Variants in RHOA observed in about 807,000 individuals in gnomAD.
The protein encoded by RHOA is transforming protein RhoA.
RHOA carries 3 observed loss-of-function variants against 17.5 expected under a neutral mutation model. The observed-to-expected ratio is 0.17, with a 90% CI of 0.08 to 0.44. The LOEUF is 0.44. Ranked by LOEUF, RHOA falls within the 20% of genes least tolerant of loss-of-function variation. RHOA has a pLI of 0.99. For synonymous variants in RHOA, 98 were observed against 88.4 expected (o/e 1.11, Z -0.61); for missense variants, 56 against 242.3 (o/e 0.23, Z 5.10).
chr3:49,363,540 AG>A, intron 3 of RHOA, among the ~76,000 whole-genome samples: 1 of 152,002 alleles, frequency 6.6e-6, no homozygotes, highest in East Asian at 2.0e-4. Flanking sequence ...GCTCAAGAAC[AG>A]CCTATGCAAC....
chr3:49,411,037 T>C (rs896033350), intron 1 of RHOA, among the ~76,000 whole-genome samples: 3 of 152,244 alleles, frequency 2.0e-5, no homozygotes, highest in Non-Finnish European at 4.4e-5. Context: ...AATCAGTAAC[T>C]AAGGTACAGA....
At chr3:49,360,901 C>A in intron 4 of RHOA, 1 of 343,920 alleles carries the variant, frequency 2.9e-6, no homozygotes, top group Non-Finnish European at 5.8e-6. Context: ...TGGTGAAACC[C>A]CTCTTTACTA....
chr3:49,376,698 G>C (rs2048233855), intron 1 of RHOA, among the ~76,000 whole-genome samples: 1 of 147,708 alleles, frequency 6.8e-6, no homozygotes, highest in Non-Finnish European at 1.5e-5. Context: ...TAAAAACAAT[G>C]AAAGGACTGA....
intron 1 of RHOA, among the ~76,000 whole-genome samples, chr3:49,388,209 C>T (rs1433648795): frequency 6.6e-6 from 1 of 151,562 alleles, no homozygotes; most frequent in Non-Finnish European, 1.5e-5. Flanking sequence ...TGTGTGGAGA[C>T]GGGGTTTTGC....
intron 3 of RHOA, among the ~76,000 whole-genome samples, chr3:49,364,755 G>A (rs2048027689): frequency 6.6e-6 from 1 of 151,986 alleles, no homozygotes; most frequent in African/African-American, 2.4e-5. Flanking sequence ...GCCGAGGCAG[G>A]TGGATCAGGA....
intron 1 of RHOA, among the ~76,000 whole-genome samples, chr3:49,376,299 C>G (rs1334859921): frequency 6.6e-6 from 1 of 152,032 alleles, no homozygotes. Context: ...CTAAAGAAAA[C>G]TTTTAGAATA....
At chr3:49,375,390 C>A (rs1290873469) in intron 2 of RHOA, 44 bp downstream of exon 2, 1 of 1,562,702 alleles carries the variant, frequency 6.4e-7, no homozygotes, top group South Asian at 1.2e-5. Context: ...CATAAATATT[C>A]TAACATGGAA....
intron 1 of RHOA, among the ~76,000 whole-genome samples, chr3:49,385,198 C>T (rs1028106550): frequency 2.0e-5 from 3 of 150,920 alleles, no homozygotes; most frequent in South Asian, 2.1e-4. Flanking sequence ...TGAGCCACTG[C>T]GCCTGGTCCA....
chr3:49,408,351 T>A (rs185320350), intron 1 of RHOA, among the ~76,000 whole-genome samples: 2 of 151,442 alleles, frequency 1.3e-5, no homozygotes, highest in Non-Finnish European at 2.9e-5. Context: ...CTTCAAAAAA[T>A]AAAATCAAGC....
chr3:49,392,000 G>A (rs771204834), intron 1 of RHOA, among the ~76,000 whole-genome samples: 9 of 151,460 alleles, frequency 5.9e-5, no homozygotes, highest in East Asian at 1.9e-4. Flanking sequence ...GCTCATTTCC[G>A]TATTTTTAGT....
intron 2 of RHOA, among the ~76,000 whole-genome samples, chr3:49,374,178 G>A (rs1198069621): frequency 3.3e-5 from 5 of 152,082 alleles, no homozygotes; most frequent in Non-Finnish European, 5.9e-5. Flanking sequence ...GTGAAACCCC[G>A]TCTCTACTAA....
intron 1 of RHOA, among the ~76,000 whole-genome samples, chr3:49,378,149 CAACAGAGTGA>C (rs2048262076): frequency 9.2e-6 from 1 of 108,758 alleles, no homozygotes; most frequent in Non-Finnish European, 1.7e-5. Context: ...CCAGCCTGGG[CAACAGAGTGA>C]AACTGTGTCT....
At chr3:49,399,441 A>G (rs2107896768) in intron 1 of RHOA, among the ~76,000 whole-genome samples, 1 of 152,254 alleles carries the variant, frequency 6.6e-6, no homozygotes, top group East Asian at 1.9e-4. Context: ...GATGTGCCAA[A>G]TATGTCATAT....
At chr3:49,405,749 A>T (rs2048822749) in intron 1 of RHOA, among the ~76,000 whole-genome samples, 1 of 152,048 alleles carries the variant, frequency 6.6e-6, no homozygotes, top group African/African-American at 2.4e-5. Flanking sequence ...GAGTGCAGCA[A>T]TCTTGGCTCA....
At chr3:49,397,517 T>A (rs78756270) in intron 1 of RHOA, among the ~76,000 whole-genome samples, 7 of 152,042 alleles carry the variant, frequency 4.6e-5, no homozygotes, top group South Asian at 2.1e-4. Flanking sequence ...TTTGTTTTTT[T>A]AAAAAAAATA....
chr3:49,382,852 C>T (rs781546409), intron 1 of RHOA, among the ~76,000 whole-genome samples: 9 of 151,768 alleles, frequency 5.9e-5, no homozygotes, highest in Non-Finnish European at 1.2e-4. Context: ...GTCAGGAGTT[C>T]GAGACAAGCC....
At chr3:49,408,979 A>G (rs994480794) in intron 1 of RHOA, among the ~76,000 whole-genome samples, 2 of 151,756 alleles carry the variant, frequency 1.3e-5, no homozygotes, top group African/African-American at 2.4e-5. Flanking sequence ...TATTTTTAGT[A>G]GAGACGGGGT....
chr3:49,392,780 C>T (rs2048531465), intron 1 of RHOA, among the ~76,000 whole-genome samples: 3 of 152,282 alleles, frequency 2.0e-5, no homozygotes, highest in South Asian at 2.1e-4. Flanking sequence ...AGAAAGACAA[C>T]GCTGTTCTAA....
intron 1 of RHOA, among the ~76,000 whole-genome samples, chr3:49,382,126 T>C (rs1035116163): frequency 6.6e-6 from 1 of 150,632 alleles, no homozygotes; most frequent in African/African-American, 2.4e-5. Flanking sequence ...GAGACCATCC[T>C]GGCTAACATA....
Sources: allele counts gnomAD v4.1 joint callset (sites outside exome capture counted in the v4.1 genomes callset), GRCh38; gene constraint gnomAD v4.1.1; transcripts MANE v1.5; gene names NCBI Gene and HGNC (gene_info 2026-07-23, HGNC 2026-07-21).